Variants in PDSS2 observed in about 807,000 individuals in gnomAD.
PDSS2 encodes decaprenyl diphosphate synthase subunit 2.
In PDSS2, 31 loss-of-function variants were observed where a neutral mutation model predicts 44.5. That is an observed-to-expected ratio of 0.70 (90% CI 0.52 to 0.94). The LOEUF (loss-of-function observed/expected upper bound fraction) is 0.94, where lower values mean the gene tolerates loss of function less well. PDSS2 is among the 40% of genes least tolerant of loss of function. The pLI, the probability that PDSS2 is intolerant of heterozygous loss-of-function variation, is 0.00. For synonymous variants in PDSS2, 157 were observed against 180.3 expected (o/e 0.87, Z 1.03); for missense variants, 452 against 482.2 (o/e 0.94, Z 0.59).
intron 4 of PDSS2, among the ~76,000 whole-genome samples, chr6:107,225,171 T>A (rs1267814080): frequency 0.14 from 8,832 of 63,858 alleles, 845 homozygotes; most frequent in African/African-American, 0.25. Flanking sequence ...ATTTTTTTTT[T>A]TTTTTTTTTT....
intron 7 of PDSS2, among the ~76,000 whole-genome samples, chr6:107,191,552 T>C (rs777399196): frequency 9.9e-5 from 15 of 152,188 alleles, no homozygotes; most frequent in Non-Finnish European, 1.6e-4. Flanking sequence ...CACCAGGGAC[T>C]GCAACCTTCC....
At chr6:107,363,274 G>A (rs952830872) in intron 1 of PDSS2, among the ~76,000 whole-genome samples, 1 of 152,228 alleles carries the variant, frequency 6.6e-6, no homozygotes, top group Non-Finnish European at 1.5e-5. Flanking sequence ...CGGAATTGGT[G>A]GGTTCTTGGT....
rs568760934 is a variant in PDSS2 at position 107,295,507 on chromosome 6, T to C, written c.432-21280A>G. On this transcript the variant is annotated intron_variant, in intron 2 of 7. Coordinates refer to ENST00000369037, the MANE Select transcript of PDSS2 (RefSeq NM_020381.4). ...ATGTGGGGATGAAGTGTCCCCCGCG[T>C]TGGCTAAGTGCTTTATATAGACTGT... 2.0e-4 allele frequency among the ~76,000 whole-genome samples: 30 copies of C among 152,326 alleles called. No homozygotes were observed. The South Asian group carries it at 3.9e-3, about 20-fold the overall frequency.
At chr6:107,244,901 T>C (rs1236151693) in intron 4 of PDSS2, among the ~76,000 whole-genome samples, 1 of 152,190 alleles carries the variant, frequency 6.6e-6, no homozygotes, top group East Asian at 1.9e-4. Flanking sequence ...TGATGGTCAA[T>C]GAAGCAATTA....
intron 1 of PDSS2, among the ~76,000 whole-genome samples, chr6:107,450,301 T>A (rs939674204): frequency 6.6e-6 from 1 of 152,096 alleles, no homozygotes; most frequent in African/African-American, 2.4e-5. Flanking sequence ...TAAAACAGTA[T>A]AACAAACAGT....
intron 6 of PDSS2, among the ~76,000 whole-genome samples, chr6:107,199,182 A>C (rs1265844284): frequency 6.6e-6 from 1 of 152,250 alleles, no homozygotes; most frequent in Non-Finnish European, 1.5e-5. Flanking sequence ...TTCAGCACCT[A>C]CTATGAGTCA....
intron 1 of PDSS2, among the ~76,000 whole-genome samples, chr6:107,426,032 A>C (rs1169692528): frequency 6.6e-6 from 1 of 152,216 alleles, no homozygotes; most frequent in Admixed American, 6.5e-5. Flanking sequence ...ACATGTAACA[A>C]GGAGCCAAAT....
intron 1 of PDSS2, among the ~76,000 whole-genome samples, chr6:107,429,901 A>AAAAAATATATAT (rs1166637352): frequency 2.2e-4 from 7 of 31,832 alleles, no homozygotes; most frequent in Admixed American, 1.7e-3. Context: ...AAAAAAAAAA[A>AAAAAATATATAT]ATATATATAT....
intron 4 of PDSS2, among the ~76,000 whole-genome samples, chr6:107,232,794 T>C (rs1337002711): frequency 6.6e-6 from 1 of 152,096 alleles, no homozygotes; most frequent in Non-Finnish European, 1.5e-5. Flanking sequence ...TCCCAGCTAA[T>C]GCTCAATGAC....
chr6:107,304,381 A>T (rs1243513047), intron 2 of PDSS2, among the ~76,000 whole-genome samples: 2 of 152,156 alleles, frequency 1.3e-5, no homozygotes. Flanking sequence ...TTCCGCATGT[A>T]CTCTTATATA....
chr6:107,377,591 G>A (rs1779324558), intron 1 of PDSS2, among the ~76,000 whole-genome samples: 1 of 152,132 alleles, frequency 6.6e-6, no homozygotes, highest in African/African-American at 2.4e-5. Context: ...GCACACATAT[G>A]TTTATTGCGG....
chr6:107,398,045 A>C (rs1015702770), intron 1 of PDSS2, among the ~76,000 whole-genome samples: 1 of 152,336 alleles, frequency 6.6e-6, no homozygotes, highest in South Asian at 2.1e-4. Context: ...AAGTACATTG[A>C]CATGGTTTCA....
At position 107,153,002 on chromosome 6, in the gene PDSS2, T is replaced by C. The variant is rs1554244774; in HGVS notation, c.*1617A>G. 6.6e-6 allele frequency: 1 copy of C among 152,466 alleles called. No individual in the cohort carries two copies. The highest frequency in any genetic ancestry group is 2.4e-5 in the African/African-American group (1 of 41,464). 9.4% of individuals were successfully genotyped at this position (152,466 alleles called of 1,614,324 possible). On this transcript the variant is annotated 3_prime_UTR_variant, in exon 8 of 8. Transcript: ENST00000369037. ...CATAAACTGTACAATTATGATATTT[T>C]GAGTACACTTAAAATATTTTATAAT...
At chr6:107,300,308 G>A (rs370996727) in intron 2 of PDSS2, among the ~76,000 whole-genome samples, 67 of 152,208 alleles carry the variant, frequency 4.4e-4, no homozygotes, top group African/African-American at 1.6e-3. Context: ...CCCTCCTGAG[G>A]AAATCTCAAC....
intron 2 of PDSS2, among the ~76,000 whole-genome samples, chr6:107,321,998 C>T (rs1378674430): frequency 6.6e-6 from 1 of 152,164 alleles, no homozygotes; most frequent in East Asian, 1.9e-4. Context: ...TTTTGGGCTC[C>T]CTCAACCTCA....
rs782469718 is a variant in PDSS2, at chr6:107,154,309, G to A, written c.*310C>T. ...ACCGCCCTGGCGCCATCCCTGGCTC[G>A]GTCCAATCAATAAGGACTTATTTCC... On this transcript the variant is annotated 3_prime_UTR_variant, in exon 8 of 8. Coordinates refer to ENST00000369037, the MANE Select transcript of PDSS2 (RefSeq NM_020381.4). 3.1e-5 allele frequency: 11 copies of A among 359,280 alleles called. No individual in the cohort carries two copies. The highest frequency in any genetic ancestry group is 1.4e-4 in the East Asian group (2 of 14,282). 22.3% of individuals were successfully genotyped at this position (359,280 alleles called of 1,614,324 possible).
intron 1 of PDSS2, among the ~76,000 whole-genome samples, chr6:107,390,518 G>C (rs568750996): frequency 6.6e-6 from 1 of 152,094 alleles, no homozygotes; most frequent in South Asian, 2.1e-4. Flanking sequence ...ACATCTAAAC[G>C]TAATGTGGTA....
At chr6:107,170,601 G>T (rs1554248307) in intron 7 of PDSS2, among the ~76,000 whole-genome samples, 1 of 101,992 alleles carries the variant, frequency 9.8e-6, no homozygotes, top group African/African-American at 4.2e-5. Context: ...GGCCATCTTG[G>T]AACCACCCCC....
intron 1 of PDSS2, among the ~76,000 whole-genome samples, chr6:107,345,977 AC>A (rs1407536650): frequency 6.6e-6 from 1 of 152,198 alleles, no homozygotes; most frequent in Non-Finnish European, 1.5e-5. Flanking sequence ...TCTCATAATC[AC>A]AAATGTGCCA....
Sources: gnomAD v4.1 joint callset for allele counts (sites outside exome capture counted in the v4.1 genomes callset) on GRCh38, gnomAD v4.1.1 for gene constraint, MANE v1.5 for transcripts, NCBI Gene and HGNC (gene_info 2026-07-23, HGNC 2026-07-21) for gene names.